Variants in LLGL1 observed in about 807,000 individuals in gnomAD.
LLGL1 encodes the protein lethal(2) giant larvae protein homolog 1.
Under a neutral mutation model 110.6 loss-of-function variants are expected in LLGL1, and 58 were observed. The ratio of observed to expected loss-of-function variants is 0.52; its 90% CI spans 0.42 to 0.65. LLGL1 has a LOEUF of 0.65. Among genes scored for constraint, LLGL1 ranks in the 30% least tolerant of loss-of-function variants. The pLI is 0.00. For synonymous variants in LLGL1, 674 were observed against 607.2 expected (o/e 1.11, Z -1.62); for missense variants, 1,229 against 1,462.1 (o/e 0.84, Z 2.60).
chr17:18,229,915 C>T (rs1210328954), intron 1 of LLGL1, 26 bp from the exon 2 acceptor site: 5 of 1,541,288 alleles, frequency 3.2e-6, no homozygotes, highest in Non-Finnish European at 3.5e-6. Flanking sequence ...GAGTGCTTAC[C>T]CCCAGCAGCC....
chr17:18,228,753 G>A (rs1200539191), intron 1 of LLGL1, among the ~76,000 whole-genome samples: 3 of 152,140 alleles, frequency 2.0e-5, no homozygotes, highest in African/African-American at 4.8e-5. Context: ...TTATTGGTGG[G>A]AGAGAGAAGC....
At chr17:18,228,457 C>T (rs2047499159) in intron 1 of LLGL1, among the ~76,000 whole-genome samples, 1 of 152,178 alleles carries the variant, frequency 6.6e-6, no homozygotes, top group African/African-American at 2.4e-5. Context: ...TCCCTCTGGC[C>T]TCTGTGGGAA....
chr17:18,230,750 C>G (rs1354910304), intron 2 of LLGL1, among the ~76,000 whole-genome samples: 1 of 152,150 alleles, frequency 6.6e-6, no homozygotes, highest in African/African-American at 2.4e-5. Flanking sequence ...TTTCAGTATC[C>G]TGGTTTCAGA....
At chr17:18,242,324 C>A in intron 20 of LLGL1, 46 bp downstream of exon 20, 1 of 1,577,230 alleles carries the variant, frequency 6.3e-7, no homozygotes. Context: ...CCACGGTGCC[C>A]TGGGGGAGGG....
rs779690635 is a variant in LLGL1, at chr17:18,238,223, G to C, written c.2052+9G>C. On this transcript the variant is annotated intron_variant, in intron 15 of 22. Coordinates refer to ENST00000316843, the MANE Select transcript of LLGL1 (RefSeq NM_004140.4). ...CTAATGCCAGCAGCAAGGTGAGCTGGGGTGGGCTGCACAGGAGCTGTGCCT... is the reference window on the plus strand; with the variant it reads ...CTAATGCCAGCAGCAAGGTGAGCTGCGGTGGGCTGCACAGGAGCTGTGCCT... The C allele has an allele frequency of 2.5e-6, 4 of 1,609,564 alleles. No individual in the cohort carries two copies. The South Asian group carries it at 4.4e-5, about 18-fold the overall frequency.
intron 16 of LLGL1, among the ~76,000 whole-genome samples, chr17:18,238,990 A>G (rs2047761351): frequency 6.6e-6 from 1 of 152,146 alleles, no homozygotes; most frequent in South Asian, 2.1e-4. Flanking sequence ...CAGCCTGTGC[A>G]ACAGAGTGAG....
At chr17:18,233,660 G>A in intron 4 of LLGL1, 118 bp from the exon 5 acceptor site, 1 of 1,088,738 alleles carries the variant, frequency 9.2e-7, no homozygotes, top group Non-Finnish European at 1.3e-6. Context: ...CTGTAAGTAG[G>A]CCCTGGTGAG....
In LLGL1 at chr17:18,236,746, C is replaced by A. The variant is rs2047703177; in HGVS notation, c.1492C>A (p.Pro498Thr). ...GGCCCAGGCTGCCGAGGACGACTGG[C>A]CACCCTTCCGCAAGGTGGGCCCCTC... ...SLAQAAEDDW[P>T]PFRKVGCFDP... Residue 498 changes from proline (P) to threonine (T), a missense_variant, in exon 12 of 23, where the codon CCA becomes ACA. By Grantham distance (38) the Pro-to-Thr change is conservative. Coordinates refer to ENST00000316843, the MANE Select transcript of LLGL1 (RefSeq NM_004140.4). 6.2e-7 allele frequency: 1 copy of A among 1,612,446 alleles called. No individual in the cohort carries two copies. The highest frequency in any genetic ancestry group is 1.3e-5 in the African/African-American group (1 of 74,932).
At chr17:18,229,912 TA>T in intron 1 of LLGL1, 28 bp from the exon 2 acceptor site, 1 of 1,526,130 alleles carries the variant, frequency 6.6e-7, no homozygotes, top group South Asian at 1.2e-5. Context: ...TGGGAGTGCT[TA>T]CCCCCAGCAG....
chr17:18,233,559 C>G (rs2142592025), intron 4 of LLGL1, among the ~76,000 whole-genome samples: 1 of 152,256 alleles, frequency 6.6e-6, no homozygotes, highest in South Asian at 2.1e-4. Context: ...GTCTGCAAGA[C>G]CTAGGGACCC....
chr17:18,225,789 T>C (rs2047422960), intron 1 of LLGL1, 26 bp downstream of exon 1: 16 of 537,926 alleles, frequency 3.0e-5, no homozygotes, highest in Non-Finnish European at 3.8e-5. Context: ...GGGCCCGGGC[T>C]CGGGCGGGAG....
chr17:18,234,759 G>A (rs2047652180), intron 8 of LLGL1, 56 bp downstream of exon 8: 1 of 1,613,546 alleles, frequency 6.2e-7, no homozygotes, highest in Non-Finnish European at 8.5e-7. Context: ...GGGGCTGGAA[G>A]GGTGGGCTCT....
chr17:18,239,391 GGA>G (rs2047771180), intron 16 of LLGL1, among the ~76,000 whole-genome samples: 1 of 152,166 alleles, frequency 6.6e-6, no homozygotes, highest in African/African-American at 2.4e-5. Flanking sequence ...TTGTACAATG[GGA>G]GAGTTTCAAA....
Position 18,235,000 on chromosome 17 carries a change from G to A in LLGL1, c.1060+7G>A. 1 of 1,613,250 alleles carries A rather than the reference G, an allele frequency of 6.2e-7. No individual in the cohort carries two copies. Among genetic ancestry groups the A allele is most frequent in the Non-Finnish European group, 8.5e-7 (1 of 1,179,918 alleles). On this transcript the variant is annotated splice_region_variant and intron_variant, in intron 9 of 22. Transcript: ENST00000316843. ...AGCACACGGCCCGAGGATGGTGCGT[G>A]CCCTGCCGTACCCTACCCTTTCCCA...
rs1433920926 is a variant in LLGL1 at position 18,233,934 on chromosome 17, C to T, written c.549C>T (p.Arg183=). Residue 183 remains arginine (R), a splice_region_variant and synonymous_variant, in exon 5 of 23, where the codon CGC becomes CGT. Coordinates refer to ENST00000316843, the MANE Select transcript of LLGL1 (RefSeq NM_004140.4). ...CGCTTGCCCCAGGCGAGGTTCTGCG[C>T]AGGTAAGAGGCCGGTGGGCTTCCCA... is the stretch of plus-strand genomic sequence containing the variant. ...GQTLAPGEVL[R]SVPDDYRCGK... The T allele has an allele frequency of 2.5e-6, 4 of 1,611,642 alleles. No individual in the cohort carries two copies. The highest frequency in any genetic ancestry group is 1.7e-5 in the Admixed American group (1 of 59,988).
chr17:18,238,553 A>T lies in LLGL1; in HGVS notation c.2150A>T (p.Asp717Val), dbSNP rs1235811122. The change falls in exon 16 of 23, where the codon GAC (aspartate) becomes GTC (valine). Residue 717 changes from aspartate to valine, a missense_variant. Asp to Val is a radical substitution (Grantham distance 152). Coordinates refer to ENST00000316843, the MANE Select transcript of LLGL1 (RefSeq NM_004140.4). The part of the protein sequence containing the change: ...QRRIEPRSAD[D>V]SLSGVVRCLY... ...CGCATTGAGCCCCGCTCTGCCGATGACTCCTTGTCGGGTGTCGTGCGTTGC... is the reference window on the plus strand; with the variant it reads ...CGCATTGAGCCCCGCTCTGCCGATGTCTCCTTGTCGGGTGTCGTGCGTTGC... 1.6e-5 allele frequency: 26 copies of T among 1,612,768 alleles called. No homozygotes were observed. The Admixed American group carries it at 4.3e-4, about 27-fold the overall frequency.
At position 18,233,744 on chromosome 17, in the gene LLGL1, T is replaced by C. The variant is rs371494016; in HGVS notation, c.393-34T>C. On this transcript the variant is annotated intron_variant, in intron 4 of 22. Coordinates refer to ENST00000316843, the MANE Select transcript of LLGL1 (RefSeq NM_004140.4). ...CCCCACCTGAGCAGGTGGATGGGCTTGTACCCTCACTCCCTTCCCCTTGTT... is the reference window on the plus strand; with the variant it reads ...CCCCACCTGAGCAGGTGGATGGGCTCGTACCCTCACTCCCTTCCCCTTGTT... 6.9e-6 allele frequency: 11 copies of C among 1,592,492 alleles called. No homozygotes were observed. In the African/African-American group the frequency reaches 1.5e-4, roughly 21 times the overall value.
chr17:18,238,616 C>CAGGGGG lies in LLGL1; in HGVS notation c.2206+12_2206+13insGAGGGG. The CAGGGGG allele has an allele frequency of 6.2e-7, 1 of 1,605,470 alleles. No homozygotes were observed. The highest frequency in any genetic ancestry group is 8.5e-7 in the Non-Finnish European group (1 of 1,176,342). ...GACACATTCCTTCGAGATGGTAAGGCAGGGGCAGGGGCAGGGACAGGGCAA... is the reference window on the plus strand; with the variant it reads ...GACACATTCCTTCGAGATGGTAAGGCAGGGGGAGGGGCAGGGGCAGGGACAGGGCAA... On this transcript the variant is annotated splice_region_variant and intron_variant, in intron 16 of 22. Coordinates refer to ENST00000316843, the MANE Select transcript of LLGL1 (RefSeq NM_004140.4).
chr17:18,242,290 A>G lies in LLGL1; in HGVS notation c.2995+12A>G, dbSNP rs372143680. 602 of 1,608,086 alleles carry G rather than the reference A, an allele frequency of 3.7e-4. No homozygotes were observed. Among genetic ancestry groups the G allele is most frequent in the Non-Finnish European group, 4.2e-4 (499 of 1,174,998 alleles). The stretch of plus-strand genomic sequence containing the variant: ...CAGCATGGGACCTGGTGAGGGGGGC[A>G]TGAAAGGGGTCCAGACCCTGGCCCC... On this transcript the variant is annotated intron_variant, in intron 20 of 22. Transcript: ENST00000316843.
Sources: gnomAD v4.1 joint callset for allele counts (sites outside exome capture counted in the v4.1 genomes callset) on GRCh38, gnomAD v4.1.1 for gene constraint, MANE v1.5 for transcripts, NCBI Gene and HGNC (gene_info 2026-07-23, HGNC 2026-07-21) for gene names.